The following YEATS2 variants were observed in gnomAD, a reference collection of about 807,000 sequenced individuals.
YEATS2 encodes YEATS domain containing 2.
YEATS2 carries 77 observed loss-of-function variants against 163.2 expected under a neutral mutation model. The ratio of observed to expected loss-of-function variants is 0.47; its 90% CI spans 0.39 to 0.57. The LOEUF (loss-of-function observed/expected upper bound fraction) is 0.57, where lower values mean the gene tolerates loss of function less well. YEATS2 is among the 20% of genes least tolerant of loss of function. The pLI, the probability that YEATS2 is intolerant of heterozygous loss-of-function variation, is 0.00. For missense variants in YEATS2, 1,549 were observed against 1,729.8 expected, an observed-to-expected ratio of 0.90 and a Z score of 1.85; for synonymous variants, 631 against 645.1, an observed-to-expected ratio of 0.98 and a Z score of 0.33.
intron 6 of YEATS2, among the ~76,000 whole-genome samples, chr3:183,726,506 T>C (rs2109088689): frequency 6.6e-6 from 1 of 152,196 alleles, no homozygotes; most frequent in Non-Finnish European, 1.5e-5. Context: ...ACGTTATAAA[T>C]CCTCTAAAAA....
At chr3:183,785,431 G>T (rs1723969949) in intron 19 of YEATS2, among the ~76,000 whole-genome samples, 1 of 148,932 alleles carries the variant, frequency 6.7e-6, no homozygotes, top group African/African-American at 2.5e-5. Context: ...GGAGGTTGCA[G>T]TAAGCCAAGA....
chr3:183,700,594 C>CT (rs1355937408), intron 1 of YEATS2, among the ~76,000 whole-genome samples: 3 of 142,158 alleles, frequency 2.1e-5, no homozygotes, highest in African/African-American at 5.2e-5. Context: ...CTTTTCTTTT[C>CT]TTTCTTTTTT....
At chr3:183,729,412 T>A (rs1717477288) in intron 7 of YEATS2, among the ~76,000 whole-genome samples, 1 of 152,226 alleles carries the variant, frequency 6.6e-6, no homozygotes, top group South Asian at 2.1e-4. Flanking sequence ...AACTTGTTTA[T>A]ATAGATACAG....
Position 183,812,301 on chromosome 3 carries a change from C to T in YEATS2, c.*1718C>T, listed in dbSNP as rs1401547886. On this transcript the variant is annotated 3_prime_UTR_variant, in exon 31 of 31. Transcript: ENST00000305135. ...CAGAAGGAATCTATTCTCAGCAGGGCATAGGGCACGCACTGGCTTAACAGT... is the reference window on the plus strand; with the variant it reads ...CAGAAGGAATCTATTCTCAGCAGGGTATAGGGCACGCACTGGCTTAACAGT... The T allele has an allele frequency of 6.6e-6, 1 of 152,202 alleles. No individual in the cohort carries two copies. Among genetic ancestry groups the T allele is most frequent in the Non-Finnish European group, 1.5e-5 (1 of 68,058 alleles). The allele number at this position is 152,202 out of a possible 1,614,324, so 9.4% of individuals were successfully genotyped here.
intron 11 of YEATS2, among the ~76,000 whole-genome samples, chr3:183,755,927 G>C (rs982425116): frequency 6.6e-6 from 1 of 151,654 alleles, no homozygotes; most frequent in South Asian, 2.1e-4. Context: ...TGTATTTTTA[G>C]TAGAGACAGG....
chr3:183,796,659 G>A (rs1409521098), intron 21 of YEATS2, among the ~76,000 whole-genome samples: 2 of 151,470 alleles, frequency 1.3e-5, no homozygotes, highest in Admixed American at 6.6e-5. Context: ...TTGGAAATAC[G>A]TTTTAGGCAG....
At chr3:183,773,176 A>T (rs898299402) in intron 16 of YEATS2, among the ~76,000 whole-genome samples, 1 of 152,220 alleles carries the variant, frequency 6.6e-6, no homozygotes, top group African/African-American at 2.4e-5. Context: ...CCACAGATAC[A>T]GAGGGCCAAT....
intron 2 of YEATS2, among the ~76,000 whole-genome samples, 185 bp downstream of exon 2, chr3:183,715,447 T>G (rs1313139856): frequency 5.3e-5 from 8 of 152,130 alleles, no homozygotes; most frequent in Non-Finnish European, 4.4e-5. Flanking sequence ...TGGAAGAAGA[T>G]CTGGCAGGAA....
Position 183,758,761 on chromosome 3 carries a change from AAAAT to A in YEATS2, c.1553-95_1553-92del. The A allele has an allele frequency of 4.5e-6, 4 of 882,924 alleles. No individual in the cohort carries two copies. The South Asian group carries it at 6.3e-5, about 14-fold the overall frequency. 54.7% of individuals were successfully genotyped at this position (882,924 alleles called of 1,614,324 possible). ...ATGAGTTTTCAACCCTTAAACATGA[AAAAT>A]AAATAGTGCGAAAGAGGGGAGGATG... is the stretch of plus-strand genomic sequence containing the variant. On this transcript the variant is annotated intron_variant, in intron 12 of 30. Transcript: ENST00000305135.
intron 8 of YEATS2, among the ~76,000 whole-genome samples, chr3:183,738,344 G>A (rs1010616243): frequency 1.3e-5 from 2 of 150,730 alleles, no homozygotes; most frequent in Non-Finnish European, 2.9e-5. Context: ...GGCTAAAAGC[G>A]AGGCCTCTGT....
intron 19 of YEATS2, 64 bp from the exon 20 acceptor site, chr3:183,786,061 A>G: frequency 6.5e-7 from 1 of 1,541,492 alleles, no homozygotes. Flanking sequence ...AGCTGTCAGT[A>G]AGGAATGAGT....
At chr3:183,752,008 G>C in intron 9 of YEATS2, 65 bp from the exon 10 acceptor site, 2 of 1,564,980 alleles carry the variant, frequency 1.3e-6, no homozygotes, top group Middle Eastern at 1.7e-4. Context: ...ATTCTTGGAC[G>C]GGACTTGAGC....
chr3:183,773,999 A>C (rs1722733247), intron 17 of YEATS2, among the ~76,000 whole-genome samples: 1 of 152,188 alleles, frequency 6.6e-6, no homozygotes, highest in Admixed American at 6.5e-5. Flanking sequence ...TTGCAATCAG[A>C]GATGAATCAC....
chr3:183,765,975 CA>C (rs1410630967), intron 15 of YEATS2, among the ~76,000 whole-genome samples: 3 of 150,990 alleles, frequency 2.0e-5, no homozygotes, highest in African/African-American at 7.3e-5. Context: ...TGCCAGGAAA[CA>C]GGAGGGTGGC....
rs1354915845 is a variant in YEATS2 at position 183,706,031 on chromosome 3, T to A, written c.-20+8038T>A. On this transcript the variant is annotated intron_variant, in intron 1 of 30. Coordinates refer to ENST00000305135, the MANE Select transcript of YEATS2 (RefSeq NM_018023.5). ...TCCATCCTGGGTGACAGAGCAAGAC[T>A]GTTTCAAAAAAAAAAAAAAAATCCT... Among the ~76,000 whole-genome samples the A allele has an allele frequency of 6.7e-5, 10 of 149,502 alleles. No individual in the cohort carries two copies. In the East Asian group the frequency reaches 2.0e-3, roughly 29 times the overall value.
At chr3:183,792,800 T>C (rs1313919803) in intron 21 of YEATS2, among the ~76,000 whole-genome samples, 2 of 152,160 alleles carry the variant, frequency 1.3e-5, no homozygotes, top group Admixed American at 6.5e-5. Flanking sequence ...TGAGCCACCA[T>C]GCCCAGCCAG....
intron 1 of YEATS2, among the ~76,000 whole-genome samples, chr3:183,708,242 A>T (rs1231797352): frequency 1.3e-5 from 2 of 149,560 alleles, no homozygotes; most frequent in Non-Finnish European, 3.0e-5. Context: ...GCTCACTGCA[A>T]CCTCTGCCTC....
intron 8 of YEATS2, among the ~76,000 whole-genome samples, chr3:183,741,646 G>A (rs1377327933): frequency 6.6e-6 from 1 of 152,026 alleles, no homozygotes; most frequent in Non-Finnish European, 1.5e-5. Flanking sequence ...GCTGGGCGTG[G>A]TGGGTCACAC....
At position 183,810,469 on chromosome 3, in the gene YEATS2, GA is replaced by G. The variant is rs1726696413; in HGVS notation, c.4161-5del. ...ACCTGGTAACACCCTTTGTTTTTTG[GA>G]CCAGGATTCCCAAAGAAATTACAGT... is the stretch of plus-strand genomic sequence containing the variant. On this transcript the variant is annotated splice_region_variant and splice_polypyrimidine_tract_variant and intron_variant, in intron 30 of 30. Transcript: ENST00000305135. The G allele has an allele frequency of 6.2e-7, 1 of 1,612,032 alleles. No homozygotes were observed.
Sources: gnomAD v4.1 joint callset for allele counts (sites outside exome capture counted in the v4.1 genomes callset) on GRCh38, gnomAD v4.1.1 for gene constraint, MANE v1.5 for transcripts, NCBI Gene and HGNC (gene_info 2026-07-23, HGNC 2026-07-21) for gene names.